The following GRAP2 variants were observed in gnomAD, a reference collection of about 807,000 sequenced individuals.
The protein encoded by GRAP2 is GRB2 related adaptor protein 2.
In GRAP2, 31 loss-of-function variants were observed where a neutral mutation model predicts 43.5. The observed-to-expected ratio is 0.71, with a 90% CI of 0.54 to 0.96. GRAP2 has a LOEUF of 0.96. Ranked by LOEUF, GRAP2 falls within the 40% of genes least tolerant of loss-of-function variation. The pLI is 0.00. For synonymous variants in GRAP2, 156 were observed against 164.8 expected, an observed-to-expected ratio of 0.95 and a Z score of 0.41; for missense variants, 371 against 424.4, an observed-to-expected ratio of 0.87 and a Z score of 1.11.
the GRAP2 span, among the ~76,000 whole-genome samples, chr22:39,895,297 A>G: frequency 4.4e-3 from 669 of 152,354 alleles, 7 homozygotes; most frequent in African/African-American, 0.016. Flanking sequence ...TACTTCAGTC[A>G]TAATTATAAT....
rs373344576 is a variant in GRAP2, at chr22:39,927,666, CT to C, written c.-14-19417del. Among the ~76,000 whole-genome samples, 405 of 150,182 alleles carry C rather than the reference CT, an allele frequency of 2.7e-3. 3 individuals carry two copies. Among genetic ancestry groups the C allele is most frequent in the African/African-American group, 9.1e-3 (372 of 41,004 alleles). ...CAGGCCCAATCGATCTAAGGCATGACTTTTTTTTTTCCTCTCACCCATGACT... is the reference window on the plus strand; with the variant it reads ...CAGGCCCAATCGATCTAAGGCATGACTTTTTTTTTCCTCTCACCCATGACT... On this transcript the variant is annotated intron_variant, in intron 1 of 7. Coordinates refer to ENST00000344138, the MANE Select transcript of GRAP2 (RefSeq NM_004810.4).
At chr22:39,911,848 G>GATCTCAGA (rs2066569683) in intron 1 of GRAP2, among the ~76,000 whole-genome samples, 1 of 152,146 alleles carries the variant, frequency 6.6e-6, no homozygotes, top group South Asian at 2.1e-4. Context: ...TAGAAGTGAG[G>GATCTCAGA]ATCTCAGACC....
At chr22:39,908,821 G>A (rs2145572060) in intron 1 of GRAP2, among the ~76,000 whole-genome samples, 1 of 152,332 alleles carries the variant, frequency 6.6e-6, no homozygotes, top group Non-Finnish European at 1.5e-5. Flanking sequence ...AGGCTGGCAA[G>A]TGGAGTTAGA....
intron 1 of GRAP2, among the ~76,000 whole-genome samples, chr22:39,946,473 A>G (rs1489277230): frequency 6.6e-6 from 1 of 152,210 alleles, no homozygotes. Context: ...AATTCCCAAA[A>G]TGTACTTGGT....
At chr22:39,916,890 C>T (rs950839876) in intron 1 of GRAP2, among the ~76,000 whole-genome samples, 6 of 151,624 alleles carry the variant, frequency 4.0e-5, no homozygotes. Flanking sequence ...TCGGAATCTT[C>T]TTTAACACTA....
the GRAP2 span, chr22:39,893,837 G>A: frequency 1.3e-5 from 2 of 152,412 alleles, no homozygotes; most frequent in Admixed American, 6.5e-5. Context: ...CTGTCAGGGC[G>A]TCAAGCAAGA....
At position 39,958,334 on chromosome 22, in the gene GRAP2, G is replaced by A. The variant is rs558036492; in HGVS notation, c.171-1721G>A. Among the ~76,000 whole-genome samples, 5 of 152,158 alleles carry A rather than the reference G, an allele frequency of 3.3e-5. No homozygotes were observed. In the East Asian group the frequency reaches 5.8e-4, roughly 18 times the overall value. On this transcript the variant is annotated intron_variant, in intron 3 of 7. Transcript: ENST00000344138. ...CTTACATTAATCTCCCACCCACAGC[G>A]CCCCATCTCTCCTCTCAGTTTTCAT... is the stretch of plus-strand genomic sequence containing the variant.
At chr22:39,934,367 GCATGAATGAAGGAGC>G (rs1220810778) in intron 1 of GRAP2, among the ~76,000 whole-genome samples, 2 of 152,284 alleles carry the variant, frequency 1.3e-5, no homozygotes, top group African/African-American at 4.8e-5. Flanking sequence ...TAACCAACTT[GCATGAATGAAGGAGC>G]CAGGATTTGA....
intron 1 of GRAP2, among the ~76,000 whole-genome samples, chr22:39,905,371 G>GTAA (rs985919740): frequency 9.2e-5 from 14 of 151,998 alleles, no homozygotes; most frequent in African/African-American, 2.7e-4. Context: ...ATAAGTTCAG[G>GTAA]TAATAATAAT....
intron 4 of GRAP2, chr22:39,963,883 G>A (rs1601740645): frequency 6.5e-6 from 1 of 153,418 alleles, no homozygotes; most frequent in South Asian, 2.0e-4. Flanking sequence ...GGGCGTGGTG[G>A]CGGGCGCCTG....
chr22:39,947,010 C>G, intron 1 of GRAP2, 83 bp from the exon 2 acceptor site: 1 of 819,296 alleles, frequency 1.2e-6, no homozygotes, highest in Non-Finnish European at 2.2e-6. Flanking sequence ...CTCCTAGGAA[C>G]TGCTGATTAC....
intron 1 of GRAP2, among the ~76,000 whole-genome samples, chr22:39,928,355 C>A (rs2066725361): frequency 6.6e-6 from 1 of 152,160 alleles, no homozygotes; most frequent in Non-Finnish European, 1.5e-5. Context: ...CTTGGTTGAA[C>A]CATGGCAGAG....
intron 1 of GRAP2, among the ~76,000 whole-genome samples, chr22:39,934,959 A>G (rs1409121060): frequency 6.6e-6 from 1 of 152,186 alleles, no homozygotes; most frequent in East Asian, 1.9e-4. Context: ...AAATCATCCT[A>G]TTCTACTCAG....
chr22:39,936,822 T>G (rs1374302456), intron 1 of GRAP2, among the ~76,000 whole-genome samples: 1 of 152,192 alleles, frequency 6.6e-6, no homozygotes, highest in Non-Finnish European at 1.5e-5. Flanking sequence ...GATTGCTTGG[T>G]CTGAGGTCTG....
At chr22:39,953,891 G>A (rs992270397) in intron 2 of GRAP2, among the ~76,000 whole-genome samples, 1 of 152,182 alleles carries the variant, frequency 6.6e-6, no homozygotes, top group African/African-American at 2.4e-5. Context: ...GGGATTACAG[G>A]CATGAGCCAT....
chr22:39,960,246 GGGACCTCT>G, intron 4 of GRAP2, 72 bp downstream of exon 4: 1 of 1,441,282 alleles, frequency 6.9e-7, no homozygotes, highest in Admixed American at 1.7e-5. Context: ...AAGCCATGAA[GGGACCTCT>G]GGAATATGAC....
chr22:39,962,615 T>G (rs2067131068), intron 4 of GRAP2, among the ~76,000 whole-genome samples: 2 of 152,110 alleles, frequency 1.3e-5, no homozygotes, highest in African/African-American at 4.8e-5. Flanking sequence ...TTGGTTTGCA[T>G]GAAGATGACT....
At chr22:39,933,715 C>T (rs774281841) in intron 1 of GRAP2, among the ~76,000 whole-genome samples, 1 of 151,952 alleles carries the variant, frequency 6.6e-6, no homozygotes, top group African/African-American at 2.4e-5. Flanking sequence ...GTGGCGGGCA[C>T]CTGTAATCCC....
At chr22:39,906,217 AC>A (rs2066522203) in intron 1 of GRAP2, among the ~76,000 whole-genome samples, 1 of 152,202 alleles carries the variant, frequency 6.6e-6, no homozygotes, top group Non-Finnish European at 1.5e-5. Context: ...ACATTTCTGT[AC>A]TATATAAGAT....
Sources: gnomAD v4.1 joint callset for allele counts (sites outside exome capture counted in the v4.1 genomes callset) on GRCh38, gnomAD v4.1.1 for gene constraint, MANE v1.5 for transcripts, NCBI Gene and HGNC (gene_info 2026-07-23, HGNC 2026-07-21) for gene names.